TPST2: variants seen among roughly 807,000 people sequenced by gnomAD.
TPST2 encodes the protein protein-tyrosine sulfotransferase 2.
Under a neutral mutation model 27.8 loss-of-function variants are expected in TPST2, and 16 were observed. That is an observed-to-expected ratio of 0.58 (90% confidence interval 0.39 to 0.88). The LOEUF (loss-of-function observed/expected upper bound fraction) is 0.88. Ranked by LOEUF, TPST2 falls within the 40% of genes least tolerant of loss-of-function variation. The pLI is 0.00. For synonymous variants in TPST2, 229 were observed against 231.7 expected (o/e 0.99, Z 0.10); for missense variants, 464 against 543.1 (o/e 0.85, Z 1.45).
At chr22:26,544,553 G>A (rs1926020996) in intron 2 of TPST2, 51 bp downstream of exon 2, 3 of 967,962 alleles carry the variant, frequency 3.1e-6, no homozygotes, top group Non-Finnish European at 3.7e-6. Context: ...TTGGAGGGCG[G>A]TCTCAGGAGG....
rs1036032844 is a variant in TPST2 at position 26,525,962 on chromosome 22, G to A, written c.*313C>T. The A allele has an allele frequency of 1.3e-5, 2 of 152,160 alleles. No homozygotes were observed. Among genetic ancestry groups the A allele is most frequent in the Non-Finnish European group, 2.9e-5 (2 of 68,038 alleles). 9.4% of individuals were successfully genotyped at this position (152,160 alleles called of 1,614,324 possible). A position where few individuals can be genotyped will look rare whatever the true frequency, so the allele number is the denominator to read the frequency against. On this transcript the variant is annotated 3_prime_UTR_variant, in exon 7 of 7. Transcript: ENST00000338754. ...CAAACAAAGCCACCAAGGCAGTCCT[G>A]CAAATTAAGGAGGATGGCAAATCTG... is the stretch of plus-strand genomic sequence containing the variant.
intron 1 of TPST2, among the ~76,000 whole-genome samples, chr22:26,587,046 C>T (rs190350319): frequency 2.0e-5 from 3 of 152,272 alleles, no homozygotes; most frequent in East Asian, 1.9e-4. Flanking sequence ...TAGGACACTC[C>T]GGTGGCCACC....
chr22:26,550,876 T>G (rs1025807431), intron 1 of TPST2, among the ~76,000 whole-genome samples: 3 of 151,538 alleles, frequency 2.0e-5, no homozygotes, highest in African/African-American at 7.3e-5. Flanking sequence ...GGGGTGTGAG[T>G]AAGGGAAAAA....
intron 1 of TPST2, among the ~76,000 whole-genome samples, chr22:26,586,569 C>T (rs1361963516): frequency 1.3e-5 from 2 of 152,108 alleles, no homozygotes; most frequent in Non-Finnish European, 2.9e-5. Flanking sequence ...TCTTAATGCA[C>T]AGGAACTCAG....
chr22:26,558,793 T>C (rs1278517987), intron 1 of TPST2, among the ~76,000 whole-genome samples: 6 of 152,174 alleles, frequency 3.9e-5, no homozygotes, highest in Non-Finnish European at 8.8e-5. Context: ...AAAAACTCAG[T>C]AACCAAGATC....
At chr22:26,533,593 G>A (rs1925283592) in intron 4 of TPST2, among the ~76,000 whole-genome samples, 6 of 152,082 alleles carry the variant, frequency 3.9e-5, no homozygotes, top group South Asian at 4.1e-4. Context: ...AGGCCTTTCC[G>A]CTAGTAGTCA....
Position 26,536,412 on chromosome 22 carries a change from G to C in TPST2, c.917C>G (p.Pro306Arg). ...EALSKWTGHI[P>R]GDVVRDMAQI... Reference sequence around the variant, plus strand: ...GGCCATGTCCCGCACCACATCCCCAGGGATGTGGCCAGTCCACTTGGAGAG... The same window carrying C: ...GGCCATGTCCCGCACCACATCCCCACGGATGTGGCCAGTCCACTTGGAGAG... Residue 306 changes from proline (P) to arginine (R), a missense_variant, in exon 4 of 7, where the codon CCT (proline) becomes CGT (arginine). Pro to Arg is a moderately radical substitution (Grantham distance 103). Transcript: ENST00000338754. 2 of 1,591,150 alleles carry C rather than the reference G, an allele frequency of 1.3e-6. No homozygotes were observed. The highest frequency in any genetic ancestry group is 2.2e-5 in the East Asian group (1 of 44,578).
intron 1 of TPST2, among the ~76,000 whole-genome samples, chr22:26,562,490 C>G (rs903502435): frequency 3.3e-5 from 5 of 152,190 alleles, no homozygotes; most frequent in African/African-American, 1.2e-4. Context: ...CTCTATATTA[C>G]AAACTGGAGG....
chr22:26,536,178 T>C, intron 4 of TPST2, 110 bp downstream of exon 4: 1 of 1,311,430 alleles, frequency 7.6e-7, no homozygotes, highest in East Asian at 2.5e-5. Flanking sequence ...ACAAATCAGA[T>C]GACCAGGAAT....
rs149493599 is a variant in TPST2 at position 26,576,560 on chromosome 22, A to T, written c.-161+13493T>A. Among the ~76,000 whole-genome samples, 273 of 152,256 alleles carry T rather than the reference A, an allele frequency of 1.8e-3. 2 individuals carry two copies. Among genetic ancestry groups the T allele is most frequent in the African/African-American group, 6.3e-3 (261 of 41,548 alleles). ...AGAAGGAACAGCTCGAGCAGCGGGTAGAAGTGTGAAAGCACACTGGAAATT... is the reference window on the plus strand; with the variant it reads ...AGAAGGAACAGCTCGAGCAGCGGGTTGAAGTGTGAAAGCACACTGGAAATT... On this transcript the variant is annotated intron_variant, in intron 1 of 6. Coordinates refer to ENST00000338754, the MANE Select transcript of TPST2 (RefSeq NM_003595.5).
At chr22:26,566,456 G>A (rs1266049020) in intron 1 of TPST2, among the ~76,000 whole-genome samples, 1 of 152,058 alleles carries the variant, frequency 6.6e-6, no homozygotes, top group African/African-American at 2.4e-5. Context: ...GGGAGGCTGA[G>A]GCAGGAGAAT....
At chr22:26,546,821 TTCAAA>T (rs1286365186) in intron 1 of TPST2, among the ~76,000 whole-genome samples, 1 of 152,240 alleles carries the variant, frequency 6.6e-6, no homozygotes, top group East Asian at 1.9e-4. Context: ...AGGGCCTGTT[TTCAAA>T]TCACTCTTGA....
In TPST2 at chr22:26,541,550, C is replaced by G; in HGVS notation, c.81G>C (p.Gln27His). The change falls in exon 3 of 7, where the codon CAG (glutamine) becomes CAC (histidine). Residue 27 changes from glutamine (Q) to histidine (H), a missense_variant. By Grantham distance (24) the Gln-to-His change is conservative. Transcript: ENST00000338754. This position sits in a 1 kb window ranked among gnomAD's most constrained non-coding sequence, Gnocchi z 5.9. The part of the protein sequence containing the change: ...VLVLAVQLGQ[Q>H]VLECRAVLAG... ...CCAGCACCGCCCGGCACTCTAGCAC[C>G]TGCTGTCCCAGCTGAACCGCCAGCA... The G allele has an allele frequency of 6.2e-7, 1 of 1,611,072 alleles. No individual in the cohort carries two copies. Among genetic ancestry groups the G allele is most frequent in the Non-Finnish European group, 8.5e-7 (1 of 1,179,160 alleles).
chr22:26,554,105 C>T (rs1926646484), intron 1 of TPST2, among the ~76,000 whole-genome samples: 1 of 152,114 alleles, frequency 6.6e-6, no homozygotes, highest in East Asian at 1.9e-4. Context: ...AGGTGAAGTG[C>T]TTTGTTGGAG....
intron 1 of TPST2, among the ~76,000 whole-genome samples, chr22:26,572,148 T>C (rs552094612): frequency 9.9e-5 from 15 of 152,216 alleles, no homozygotes; most frequent in Non-Finnish European, 1.6e-4. Flanking sequence ...CTTCGACCCC[T>C]GGTGCAGACA....
intron 1 of TPST2, among the ~76,000 whole-genome samples, chr22:26,574,716 T>G (rs1399883888): frequency 2.0e-5 from 3 of 152,186 alleles, no homozygotes; most frequent in South Asian, 2.1e-4. Context: ...AGTGAGCAAC[T>G]GCATCCTTGC....
At position 26,524,680 on chromosome 22, in the gene TPST2, G is replaced by T. The variant is rs554949240; in HGVS notation, c.*1595C>A. ...GCCTCATATTATCATGAGATATAAG[G>T]CAAGGAGGTATGGGTAAAACACCTT... On this transcript the variant is annotated 3_prime_UTR_variant, in exon 7 of 7. Coordinates refer to ENST00000338754, the MANE Select transcript of TPST2 (RefSeq NM_003595.5). The T allele has an allele frequency of 1.3e-5, 2 of 152,310 alleles. No homozygotes were observed. Among genetic ancestry groups the T allele is most frequent in the African/African-American group, 4.8e-5 (2 of 41,566 alleles). 9.4% of individuals were successfully genotyped at this position (152,310 alleles called of 1,614,324 possible).
At chr22:26,547,008 A>G (rs773299725) in intron 1 of TPST2, among the ~76,000 whole-genome samples, 1 of 152,228 alleles carries the variant, frequency 6.6e-6, no homozygotes, top group Admixed American at 6.5e-5. Flanking sequence ...GAACATTCCC[A>G]TCACTGCAGA....
intron 1 of TPST2, among the ~76,000 whole-genome samples, chr22:26,566,938 C>A (rs1351660790): frequency 6.6e-6 from 1 of 152,180 alleles, no homozygotes; most frequent in Non-Finnish European, 1.5e-5. Flanking sequence ...TGGGGTGGGG[C>A]TGTCCCATGC....
Sources: allele counts gnomAD v4.1 joint callset (sites outside exome capture counted in the v4.1 genomes callset), GRCh38; gene constraint gnomAD v4.1.1; non-coding constraint Gnocchi (gnomAD v3.1); transcripts MANE v1.5; gene names NCBI Gene and HGNC (gene_info 2026-07-23, HGNC 2026-07-21).